GXYLT2: variants seen among roughly 807,000 people sequenced by gnomAD.
The protein encoded by GXYLT2 is glucoside xylosyltransferase 2.
A neutral mutation model predicts 45.8 loss-of-function variants in GXYLT2; 53 were observed. The ratio of observed to expected loss-of-function variants is 1.16; its 90% CI spans 0.93 to 1.46. GXYLT2 has a LOEUF of 1.46. GXYLT2 is among the 40% of genes most tolerant of loss of function. The pLI, the probability that GXYLT2 is intolerant of heterozygous loss-of-function variation, is 0.00. For missense variants in GXYLT2, 551 were observed against 544.4 expected, an observed-to-expected ratio of 1.01 and a Z score of -0.12; for synonymous variants, 219 against 214.2, an observed-to-expected ratio of 1.02 and a Z score of -0.19.
chr3:72,919,087 G>A (rs1005897945), intron 2 of GXYLT2, among the ~76,000 whole-genome samples: 2 of 152,140 alleles, frequency 1.3e-5, no homozygotes, highest in African/African-American at 4.8e-5. Context: ...TTCTTAGGAA[G>A]CTGAATATAG....
chr3:72,903,234 C>T (rs953348271), intron 1 of GXYLT2, among the ~76,000 whole-genome samples: 16 of 152,140 alleles, frequency 1.1e-4, no homozygotes, highest in Non-Finnish European at 1.3e-4. Flanking sequence ...ATAGGTCTTA[C>T]GCAAGACCAT....
chr3:72,891,777 AAAAT>A (rs1196784383), intron 1 of GXYLT2, among the ~76,000 whole-genome samples: 1 of 152,252 alleles, frequency 6.6e-6, no homozygotes, highest in Non-Finnish European at 1.5e-5. Context: ...CTGTTTGTCA[AAAAT>A]AAACAGTACC....
intron 2 of GXYLT2, among the ~76,000 whole-genome samples, chr3:72,914,808 T>C (rs1015874507): frequency 3.3e-5 from 5 of 152,264 alleles, no homozygotes; most frequent in Admixed American, 2.6e-4. Context: ...GATCAGGGCA[T>C]GACCCCTGAG....
At chr3:72,911,977 A>ATGTG (rs199508166) in intron 2 of GXYLT2, among the ~76,000 whole-genome samples, 21 of 129,450 alleles carry the variant, frequency 1.6e-4, no homozygotes, top group African/African-American at 6.4e-4. Flanking sequence ...GTGTGTGTGC[A>ATGTG]TGTGTGTGTG....
chr3:72,935,262 C>T (rs1393308711), intron 3 of GXYLT2, among the ~76,000 whole-genome samples: 9 of 151,980 alleles, frequency 5.9e-5, no homozygotes, highest in Non-Finnish European at 1.2e-4. Flanking sequence ...AAAAGTACAG[C>T]AGAATAGAAC....
chr3:72,935,954 CAG>C (rs1553708052), intron 3 of GXYLT2, among the ~76,000 whole-genome samples: 3 of 152,054 alleles, frequency 2.0e-5, no homozygotes, highest in South Asian at 2.1e-4. Context: ...AAAGGAGTAT[CAG>C]GGGAAAGGAG....
intron 1 of GXYLT2, among the ~76,000 whole-genome samples, chr3:72,901,083 G>C (rs1252972927): frequency 1.3e-5 from 2 of 152,082 alleles, no homozygotes; most frequent in Non-Finnish European, 2.9e-5. Context: ...GAGGTCAGGA[G>C]TTCAAGACCA....
chr3:72,908,354 T>G lies in GXYLT2; in HGVS notation c.276-13T>G, dbSNP rs1709547326. The G allele has an allele frequency of 1.3e-6, 2 of 1,567,594 alleles. No individual in the cohort carries two copies. The highest frequency in any genetic ancestry group is 1.2e-5 in the South Asian group (1 of 84,522). ...GTTTAGTAATAGCTTTCACTTGTTT[T>G]CCCTCTTTCTAGGAGGCCTGGAGAA... On this transcript the variant is annotated splice_polypyrimidine_tract_variant and intron_variant, in intron 1 of 6. Transcript: ENST00000389617.
At chr3:72,963,320 A>G (rs561812956) in intron 5 of GXYLT2, among the ~76,000 whole-genome samples, 1 of 151,934 alleles carries the variant, frequency 6.6e-6, no homozygotes, top group Non-Finnish European at 1.5e-5. Flanking sequence ...GACACCTGTA[A>G]TCCCAGCACT....
rs1709613050 is a variant in GXYLT2, at chr3:72,911,225, A to G, written c.468+2666A>G. On this transcript the variant is annotated intron_variant, in intron 2 of 6. Coordinates refer to ENST00000389617, the MANE Select transcript of GXYLT2 (RefSeq NM_001080393.2). ...AGAATTGCTCAAACCTGGGAGGCGG[A>G]GTTGCAGTGAGCTGAGATTGTGCCA... is the stretch of plus-strand genomic sequence containing the variant. 1.3e-5 allele frequency among the ~76,000 whole-genome samples: 2 copies of G among 152,004 alleles called. 1 individual carries two copies. The highest frequency in any genetic ancestry group is 4.2e-4 in the South Asian group (2 of 4,814).
In GXYLT2 at chr3:72,975,159, A is replaced by G; in HGVS notation, c.1332A>G (p.Ter444TrpextTer13). The G allele has an allele frequency of 6.2e-7, 1 of 1,608,638 alleles. No homozygotes were observed. Residue 444 changes from the stop codon to tryptophan (W), a stop_lost, in exon 7 of 7, where the codon TGA becomes TGG. Transcript: ENST00000389617. ...ATGTTGGCCCCAACCAGATGCACTG[A>G]ATATTTTGTCTTGTTGCAAGTCAAT... ...IIHVGPNQMH[*>W]
intron 1 of GXYLT2, among the ~76,000 whole-genome samples, chr3:72,899,895 C>G (rs1020004912): frequency 6.6e-6 from 1 of 152,176 alleles, no homozygotes; most frequent in African/African-American, 2.4e-5. Flanking sequence ...CCACATATTT[C>G]TGTTTCCTTC....
chr3:72,895,922 C>A (rs999436390), intron 1 of GXYLT2, among the ~76,000 whole-genome samples: 2 of 152,110 alleles, frequency 1.3e-5, no homozygotes, highest in Admixed American at 6.5e-5. Flanking sequence ...ATAATCCAAG[C>A]TTTACATAAG....
intron 1 of GXYLT2, among the ~76,000 whole-genome samples, chr3:72,889,870 T>TC (rs888015496): frequency 5.9e-5 from 3 of 51,180 alleles, no homozygotes; most frequent in Non-Finnish European, 1.1e-4. Flanking sequence ...ACCATAACCT[T>TC]CCCCCCCACC....
chr3:72,913,022 AG>A (rs200535162), intron 2 of GXYLT2, among the ~76,000 whole-genome samples: 2 of 146,806 alleles, frequency 1.4e-5, no homozygotes, highest in Admixed American at 6.7e-5. Flanking sequence ...TCATTTCCTC[AG>A]GTTTTTTTTT....
At chr3:72,970,292 A>G (rs1241394589) in intron 6 of GXYLT2, among the ~76,000 whole-genome samples, 2 of 152,044 alleles carry the variant, frequency 1.3e-5, no homozygotes, top group Non-Finnish European at 2.9e-5. Context: ...CAGAGGTTGC[A>G]GTGAGTCTTG....
At chr3:72,934,705 T>G (rs1273413976) in intron 3 of GXYLT2, among the ~76,000 whole-genome samples, 3 of 152,208 alleles carry the variant, frequency 2.0e-5, no homozygotes, top group Admixed American at 2.0e-4. Flanking sequence ...AAATTCAGTT[T>G]CTAAAGAAAG....
chr3:72,938,674 G>A (rs1710236945), intron 3 of GXYLT2, among the ~76,000 whole-genome samples: 1 of 152,186 alleles, frequency 6.6e-6, no homozygotes, highest in East Asian at 1.9e-4. Flanking sequence ...AAGCAAGCAT[G>A]GAAGCAGATG....
intron 3 of GXYLT2, among the ~76,000 whole-genome samples, chr3:72,939,832 C>G (rs1226772639): frequency 6.6e-6 from 1 of 152,022 alleles, no homozygotes; most frequent in Non-Finnish European, 1.5e-5. Context: ...CAGGCATGCA[C>G]CACCACACCT....
Sources: gnomAD v4.1 joint callset for allele counts (sites outside exome capture counted in the v4.1 genomes callset) on GRCh38, gnomAD v4.1.1 for gene constraint, MANE v1.5 for transcripts, NCBI Gene and HGNC (gene_info 2026-07-23, HGNC 2026-07-21) for gene names.